The following SPOCK1 variants were observed in gnomAD, a reference collection of about 807,000 sequenced individuals.
The protein encoded by SPOCK1 is SPARC (osteonectin), cwcv and kazal like domains proteoglycan 1, also known as testican-1.
In SPOCK1, 23 loss-of-function variants were observed where a neutral mutation model predicts 55.3. The observed-to-expected ratio is 0.42, with a 90% confidence interval of 0.30 to 0.59. SPOCK1 has a LOEUF of 0.59. SPOCK1 is among the 20% of genes least tolerant of loss of function. SPOCK1 has a pLI of 0.22. For missense variants in SPOCK1, 499 were observed against 552.5 expected (o/e 0.90, Z 0.97); for synonymous variants, 226 against 221.0 (o/e 1.02, Z -0.20).
At chr5:137,481,054 T>A (rs1188433366) in intron 2 of SPOCK1, among the ~76,000 whole-genome samples, 5 of 152,240 alleles carry the variant, frequency 3.3e-5, no homozygotes, top group African/African-American at 4.8e-5. Context: ...AATGGAACTT[T>A]AAGCAAAGCC....
In SPOCK1 at chr5:137,100,873, G is replaced by GA. The variant is rs1488346422; in HGVS notation, c.474+11561_474+11562insT. Among the ~76,000 whole-genome samples, 4 of 83,668 alleles carry GA rather than the reference G, an allele frequency of 4.8e-5. No homozygotes were observed. The East Asian group carries it at 8.2e-4, about 17-fold the overall frequency. 54.9% of individuals were successfully genotyped at this position (83,668 alleles called of 152,430 possible). A position where few individuals can be genotyped will look rare whatever the true frequency, so the allele number is the denominator to read the frequency against. ...CAAATGTTTCATTTGTTTCCGAAAG[G>GA]GGAAAAAAAAAAAAAGAAAACTTGC... is the stretch of plus-strand genomic sequence containing the variant. On this transcript the variant is annotated intron_variant, in intron 5 of 10. Transcript: ENST00000394945.
intron 3 of SPOCK1, among the ~76,000 whole-genome samples, chr5:137,222,011 C>T (rs1755865960): frequency 6.6e-6 from 1 of 152,230 alleles, no homozygotes; most frequent in Non-Finnish European, 1.5e-5. Context: ...GCTTCTTTAA[C>T]ACACCAATTG....
chr5:137,388,149 A>T (rs1367773016), intron 2 of SPOCK1, among the ~76,000 whole-genome samples: 2 of 148,524 alleles, frequency 1.3e-5, no homozygotes, highest in Non-Finnish European at 2.9e-5. Flanking sequence ...GCACAGAGGA[A>T]ATATTTATAA....
intron 5 of SPOCK1, among the ~76,000 whole-genome samples, chr5:137,079,534 C>CCGCA (rs1554096417): frequency 0.32 from 7,838 of 24,386 alleles, 297 homozygotes; most frequent in East Asian, 0.44. Flanking sequence ...CCATCTGATT[C>CCGCA]CCCCCCCCCC....
intron 6 of SPOCK1, among the ~76,000 whole-genome samples, chr5:137,019,039 T>C (rs999448412): frequency 3.3e-5 from 5 of 151,992 alleles, no homozygotes; most frequent in African/African-American, 1.2e-4. Context: ...AATAAAAAAG[T>C]AAATGGAAAT....
intron 2 of SPOCK1, among the ~76,000 whole-genome samples, chr5:137,458,278 G>A (rs1230062638): frequency 2.0e-5 from 3 of 152,106 alleles, no homozygotes; most frequent in Non-Finnish European, 4.4e-5. Context: ...CCAAACCTGG[G>A]TCCATAATCA....
At chr5:137,094,563 A>C (rs1226986698) in intron 5 of SPOCK1, among the ~76,000 whole-genome samples, 2 of 152,242 alleles carry the variant, frequency 1.3e-5, no homozygotes, top group Non-Finnish European at 2.9e-5. Flanking sequence ...CCTTGATTTA[A>C]AAATATTTTA....
At chr5:137,423,187 C>T (rs1227410961) in intron 2 of SPOCK1, among the ~76,000 whole-genome samples, 2 of 152,218 alleles carry the variant, frequency 1.3e-5, no homozygotes, top group Non-Finnish European at 2.9e-5. Flanking sequence ...AGGTGTCAGT[C>T]TGCCCCTACT....
intron 6 of SPOCK1, among the ~76,000 whole-genome samples, chr5:137,005,708 GGAAATAAA>G (rs1189757575): frequency 6.6e-6 from 1 of 151,518 alleles, no homozygotes; most frequent in Non-Finnish European, 1.5e-5. Context: ...AACATGAAGA[GGAAATAAA>G]GAAGGAATTA....
chr5:137,015,562 C>T (rs1458700354), intron 6 of SPOCK1, among the ~76,000 whole-genome samples: 1 of 152,188 alleles, frequency 6.6e-6, no homozygotes, highest in African/African-American at 2.4e-5. Context: ...AAATAGGAGC[C>T]TGAAGGAATC....
intron 2 of SPOCK1, among the ~76,000 whole-genome samples, chr5:137,377,677 T>C (rs527801489): frequency 7.9e-5 from 12 of 152,282 alleles, no homozygotes; most frequent in African/African-American, 2.9e-4. Context: ...AGCTGACAGA[T>C]AAATCGTGGG....
At chr5:137,226,013 G>A (rs1207526928) in intron 3 of SPOCK1, among the ~76,000 whole-genome samples, 3 of 152,148 alleles carry the variant, frequency 2.0e-5, no homozygotes, top group Non-Finnish European at 4.4e-5. Context: ...CTGTTGGGCT[G>A]ACCCAAGGCC....
intron 2 of SPOCK1, among the ~76,000 whole-genome samples, chr5:137,341,909 C>T (rs1250552052): frequency 6.6e-6 from 1 of 152,192 alleles, no homozygotes; most frequent in African/African-American, 2.4e-5. Flanking sequence ...GCCAAATTAC[C>T]TGAGAATGAG....
chr5:137,177,426 A>G (rs1754876294), intron 3 of SPOCK1, among the ~76,000 whole-genome samples: 1 of 152,136 alleles, frequency 6.6e-6, no homozygotes, highest in African/African-American at 2.4e-5. Context: ...CAGCTGGGTT[A>G]AAGAGCTCAG....
intron 2 of SPOCK1, among the ~76,000 whole-genome samples, chr5:137,316,957 A>C (rs1757891067): frequency 6.6e-6 from 1 of 152,206 alleles, no homozygotes; most frequent in African/African-American, 2.4e-5. Flanking sequence ...TCATCTAAGA[A>C]GGGTGACACT....
At chr5:137,026,516 C>T (rs1045398555) in intron 6 of SPOCK1, among the ~76,000 whole-genome samples, 3 of 152,204 alleles carry the variant, frequency 2.0e-5, no homozygotes, top group Non-Finnish European at 4.4e-5. Context: ...GGGTCTCCAG[C>T]CTGCCAGCTC....
chr5:137,464,668 G>A (rs945513148), intron 2 of SPOCK1, among the ~76,000 whole-genome samples: 14 of 152,104 alleles, frequency 9.2e-5, no homozygotes, highest in African/African-American at 2.7e-4. Flanking sequence ...ACCACAATGA[G>A]AAGCAAGAGG....
At chr5:137,016,224 C>T (rs956623587) in intron 6 of SPOCK1, among the ~76,000 whole-genome samples, 3 of 152,218 alleles carry the variant, frequency 2.0e-5, no homozygotes, top group Non-Finnish European at 4.4e-5. Context: ...AACTGCTATG[C>T]TCTCCTTGTG....
intron 3 of SPOCK1, among the ~76,000 whole-genome samples, chr5:137,165,875 A>G (rs1754639311): frequency 6.6e-6 from 1 of 150,684 alleles, no homozygotes; most frequent in Non-Finnish European, 1.5e-5. Flanking sequence ...AACACATAAG[A>G]AAAAAAATTA....
Sources: allele counts gnomAD v4.1 joint callset (sites outside exome capture counted in the v4.1 genomes callset), GRCh38; gene constraint gnomAD v4.1.1; transcripts MANE v1.5; gene names NCBI Gene and HGNC (gene_info 2026-07-23, HGNC 2026-07-21).